The following PLXDC2 variants were observed in gnomAD, a reference collection of about 807,000 sequenced individuals.
The protein encoded by PLXDC2 is plexin domain-containing protein 2.
A neutral mutation model predicts 68.9 loss-of-function variants in PLXDC2; 40 were observed. The ratio of observed to expected loss-of-function variants is 0.58; its 90% CI spans 0.45 to 0.76. The LOEUF (loss-of-function observed/expected upper bound fraction) is 0.76, where lower values mean the gene tolerates loss of function less well. Among genes scored for constraint, PLXDC2 ranks in the 30% least tolerant of loss-of-function variants. PLXDC2 has a pLI of 0.00. For missense variants in PLXDC2, 644 were observed against 661.9 expected, an observed-to-expected ratio of 0.97 and a Z score of 0.30; for synonymous variants, 243 against 234.2, an observed-to-expected ratio of 1.04 and a Z score of -0.34.
chr10:20,231,555 A>G (rs1467524405), intron 12 of PLXDC2, among the ~76,000 whole-genome samples: 1 of 151,764 alleles, frequency 6.6e-6, no homozygotes, highest in African/African-American at 2.4e-5. Flanking sequence ...TTACAATTTT[A>G]TTAAAAATAT....
intron 13 of PLXDC2, among the ~76,000 whole-genome samples, chr10:20,265,601 C>T (rs1020644486): frequency 6.6e-6 from 1 of 152,088 alleles, no homozygotes; most frequent in Non-Finnish European, 1.5e-5. Flanking sequence ...TACTACATAT[C>T]ATTTAGTATT....
At chr10:20,061,601 G>T (rs1836105150) in intron 3 of PLXDC2, among the ~76,000 whole-genome samples, 1 of 152,124 alleles carries the variant, frequency 6.6e-6, no homozygotes, top group Non-Finnish European at 1.5e-5. Context: ...GTTGAAAGAT[G>T]CTTTGAGACT....
chr10:20,188,324 T>C (rs536282147), intron 9 of PLXDC2, among the ~76,000 whole-genome samples: 2 of 151,560 alleles, frequency 1.3e-5, no homozygotes. Flanking sequence ...AAATCAACAT[T>C]TTTAGCTTCC....
intron 10 of PLXDC2, among the ~76,000 whole-genome samples, chr10:20,215,626 A>G (rs1215258286): frequency 6.6e-6 from 1 of 152,104 alleles, no homozygotes; most frequent in Non-Finnish European, 1.5e-5. Context: ...TGATCACCTA[A>G]GCAAATTCAC....
intron 13 of PLXDC2, among the ~76,000 whole-genome samples, chr10:20,265,575 A>C (rs1346602275): frequency 6.6e-6 from 1 of 152,146 alleles, no homozygotes; most frequent in Non-Finnish European, 1.5e-5. Flanking sequence ...AATAATAATA[A>C]TGTTTCCGGG....
At chr10:20,126,096 A>G (rs961481264) in intron 4 of PLXDC2, among the ~76,000 whole-genome samples, 12 of 147,912 alleles carry the variant, frequency 8.1e-5, no homozygotes, top group African/African-American at 1.2e-4. Context: ...GCTATATAAA[A>G]CATCAATATG....
At chr10:20,020,899 T>C (rs11598105) in intron 2 of PLXDC2, among the ~76,000 whole-genome samples, 34,083 of 152,110 alleles carry the variant, frequency 0.22, 4,735 homozygotes, top group Non-Finnish European at 0.33. Context: ...AAAGAGGACA[T>C]GCCAGAAATA....
chr10:19,965,041 A>G (rs1328052249), intron 1 of PLXDC2, among the ~76,000 whole-genome samples: 1 of 152,194 alleles, frequency 6.6e-6, no homozygotes, highest in East Asian at 1.9e-4. Context: ...CATTTTGAAT[A>G]TTGCACAGAG....
chr10:19,855,305 C>T (rs1319194079), intron 1 of PLXDC2, among the ~76,000 whole-genome samples: 3 of 152,098 alleles, frequency 2.0e-5, no homozygotes, highest in Non-Finnish European at 4.4e-5. Context: ...TTCAAATTAT[C>T]GTCAATGGTT....
intron 1 of PLXDC2, among the ~76,000 whole-genome samples, chr10:19,978,960 A>G (rs918415533): frequency 6.6e-6 from 1 of 152,208 alleles, no homozygotes; most frequent in African/African-American, 2.4e-5. Flanking sequence ...ATTATTACCT[A>G]CAAGTATTTT....
intron 3 of PLXDC2, among the ~76,000 whole-genome samples, chr10:20,062,867 A>G (rs1435359061): frequency 6.6e-6 from 1 of 152,166 alleles, no homozygotes; most frequent in Non-Finnish European, 1.5e-5. Flanking sequence ...CCAATATACT[A>G]GAAATATTTA....
chr10:20,208,367 G>C (rs1835021099), intron 9 of PLXDC2, among the ~76,000 whole-genome samples: 1 of 152,042 alleles, frequency 6.6e-6, no homozygotes. Context: ...CCCATATAAA[G>C]CCATCAGATC....
intron 12 of PLXDC2, among the ~76,000 whole-genome samples, chr10:20,222,131 A>G (rs1835220794): frequency 6.6e-6 from 1 of 151,600 alleles, no homozygotes; most frequent in East Asian, 2.0e-4. Flanking sequence ...AAAGGGTAAC[A>G]TTTTTCAAAG....
At chr10:20,149,348 C>T (rs754082019) in intron 6 of PLXDC2, among the ~76,000 whole-genome samples, 2 of 146,660 alleles carry the variant, frequency 1.4e-5, no homozygotes, top group East Asian at 2.2e-4. Flanking sequence ...AAGCGATTCT[C>T]CTGCCTCAGC....
intron 13 of PLXDC2, among the ~76,000 whole-genome samples, chr10:20,250,577 C>G (rs1835663023): frequency 6.6e-6 from 1 of 152,170 alleles, no homozygotes; most frequent in South Asian, 2.1e-4. Flanking sequence ...CGCATTTGGT[C>G]AGTAGTGGAG....
intron 13 of PLXDC2, among the ~76,000 whole-genome samples, chr10:20,259,605 A>G (rs1440513151): frequency 6.6e-6 from 1 of 152,200 alleles, no homozygotes; most frequent in East Asian, 1.9e-4. Context: ...GTTGGGTTTT[A>G]TGTGAGAGAA....
intron 12 of PLXDC2, among the ~76,000 whole-genome samples, chr10:20,235,411 G>A (rs776836275): frequency 5.3e-5 from 8 of 152,160 alleles, no homozygotes; most frequent in Non-Finnish European, 1.2e-4. Context: ...CTAATCAATA[G>A]AATAGCAAGT....
intron 1 of PLXDC2, among the ~76,000 whole-genome samples, chr10:19,908,729 T>C (rs1833214952): frequency 1.3e-5 from 2 of 152,160 alleles, no homozygotes; most frequent in South Asian, 4.1e-4. Flanking sequence ...ACCTCATTTA[T>C]TCCACACAGC....
Position 20,282,897 on chromosome 10 carries a change from C to T in PLXDC2, c.*3078C>T, listed in dbSNP as rs1454402498. 1 of 152,156 alleles carries T rather than the reference C, an allele frequency of 6.6e-6. No homozygotes were observed. Among genetic ancestry groups the T allele is most frequent in the Non-Finnish European group, 1.5e-5 (1 of 68,022 alleles). The allele number at this position is 152,156 out of a possible 1,614,324, so 9.4% of individuals were successfully genotyped here. ...CTTATATGTAGCTTCTAGAGTTGTG[C>T]TGTCCAATATTATATCCACTAGCCA... On this transcript the variant is annotated 3_prime_UTR_variant, in exon 14 of 14. Transcript: ENST00000377252.
Sources: allele counts gnomAD v4.1 joint callset (sites outside exome capture counted in the v4.1 genomes callset), GRCh38; gene constraint gnomAD v4.1.1; transcripts MANE v1.5; gene names NCBI Gene and HGNC (gene_info 2026-07-23, HGNC 2026-07-21).